HTR1F: variants seen among roughly 807,000 people sequenced by gnomAD.
HTR1F encodes the protein 5-hydroxytryptamine (serotonin) receptor 1F, G protein-coupled.
Under a neutral mutation model 24.0 loss-of-function variants are expected in HTR1F, and 17 were observed. The ratio of observed to expected loss-of-function variants is 0.71; its 90% CI spans 0.48 to 1.06. The LOEUF is 1.06. Among genes scored for constraint, HTR1F ranks in the 50% least tolerant of loss-of-function variants. The pLI is 0.00. For synonymous variants in HTR1F, 186 were observed against 156.8 expected (o/e 1.19, Z -1.39); for missense variants, 391 against 427.8 (o/e 0.91, Z 0.76).
intron 2 of HTR1F, among the ~76,000 whole-genome samples, chr3:87,949,470 CT>C (rs1407420326): frequency 3.3e-5 from 5 of 152,172 alleles, no homozygotes; most frequent in African/African-American, 4.8e-5. Context: ...TCCTTCAAGT[CT>C]GATGTATGCG....
At chr3:87,968,536 A>G (rs1328875354) in intron 2 of HTR1F, among the ~76,000 whole-genome samples, 1 of 152,184 alleles carries the variant, frequency 6.6e-6, no homozygotes, top group African/African-American at 2.4e-5. Flanking sequence ...TCTAAGCAGC[A>G]AAGAATTCAA....
chr3:87,825,610 A>T lies in HTR1F; in HGVS notation c.-43+3486A>T, dbSNP rs1331196291. Among the ~76,000 whole-genome samples, 6 of 152,000 alleles carry T rather than the reference A, an allele frequency of 3.9e-5. No homozygotes were observed. In the East Asian group the frequency reaches 9.6e-4, roughly 24 times the overall value. On this transcript the variant is annotated intron_variant, in intron 2 of 2. Coordinates refer to ENST00000319595, the MANE Select transcript of HTR1F (RefSeq NM_001322209.2). ...ATTCATCATACAAAATATTTCTGGG[A>T]TTTATGCTGTTTTCATTAGTACCAT...
At chr3:87,792,956 C>T (rs1002168202) in intron 1 of HTR1F, among the ~76,000 whole-genome samples, 114 bp downstream of exon 1, 1 of 152,230 alleles carries the variant, frequency 6.6e-6, no homozygotes, top group African/African-American at 2.4e-5. Flanking sequence ...AGCGCTTGCT[C>T]TCGGCGGAAA....
intron 2 of HTR1F, among the ~76,000 whole-genome samples, chr3:87,953,680 C>A (rs1259145250): frequency 6.6e-6 from 1 of 151,720 alleles, no homozygotes; most frequent in Non-Finnish European, 1.5e-5. Flanking sequence ...AATCTCACTA[C>A]TAGGTATTTA....
intron 2 of HTR1F, among the ~76,000 whole-genome samples, chr3:87,857,552 G>A (rs1020622675): frequency 3.3e-5 from 5 of 152,034 alleles, no homozygotes. Flanking sequence ...TCTTCTAAAT[G>A]TCCGTGATCT....
At chr3:87,949,028 T>C (rs1704775876) in intron 2 of HTR1F, among the ~76,000 whole-genome samples, 1 of 152,212 alleles carries the variant, frequency 6.6e-6, no homozygotes, top group Non-Finnish European at 1.5e-5. Flanking sequence ...TCTATTTATA[T>C]TCTATCAATG....
At chr3:87,962,392 T>C (rs1234172403) in intron 2 of HTR1F, among the ~76,000 whole-genome samples, 1 of 152,126 alleles carries the variant, frequency 6.6e-6, no homozygotes, top group Non-Finnish European at 1.5e-5. Context: ...ATAAATAGCT[T>C]TATTTGAATA....
chr3:87,889,838 G>A (rs947927454), intron 2 of HTR1F, among the ~76,000 whole-genome samples: 17 of 152,148 alleles, frequency 1.1e-4, no homozygotes, highest in African/African-American at 3.9e-4. Context: ...TAATTTAACT[G>A]TCATTTAGAC....
rs1465368253 is a variant in HTR1F at position 87,822,004 on chromosome 3, T to A, written c.-159-4T>A. Among the ~76,000 whole-genome samples, 2 of 152,124 alleles carry A rather than the reference T, an allele frequency of 1.3e-5. No individual in the cohort carries two copies. Among genetic ancestry groups the A allele is most frequent in the Non-Finnish European group, 2.9e-5 (2 of 68,030 alleles). On this transcript the variant is annotated splice_polypyrimidine_tract_variant and splice_region_variant and intron_variant, in intron 1 of 2. Coordinates refer to ENST00000319595, the MANE Select transcript of HTR1F (RefSeq NM_001322209.2). ...TGATTTGTTTTATTCTTTGCTTTTT[T>A]AAGGAGGAGTTTGGGAGAGAATGAA...
intron 2 of HTR1F, among the ~76,000 whole-genome samples, chr3:87,945,878 A>C (rs1264774499): frequency 2.6e-5 from 4 of 152,076 alleles, no homozygotes; most frequent in Non-Finnish European, 5.9e-5. Flanking sequence ...CCTTGCTCCC[A>C]GAGCTCCCAA....
chr3:87,890,543 T>A (rs79025553), intron 2 of HTR1F, among the ~76,000 whole-genome samples: 1 of 105,620 alleles, frequency 9.5e-6, no homozygotes, highest in African/African-American at 2.8e-5. Flanking sequence ...CCTGATGCCT[T>A]TTTTTTTTTT....
chr3:87,796,971 A>C (rs1703915944), intron 1 of HTR1F, among the ~76,000 whole-genome samples: 1 of 152,208 alleles, frequency 6.6e-6, no homozygotes. Flanking sequence ...AAACAAGCCA[A>C]ATAATCTATA....
intron 2 of HTR1F, among the ~76,000 whole-genome samples, chr3:87,968,522 A>C (rs1220912350): frequency 1.3e-5 from 2 of 152,062 alleles, no homozygotes; most frequent in East Asian, 3.9e-4. Flanking sequence ...AGGCAGAAGA[A>C]ATTTCTAAGC....
chr3:87,830,746 TCTAA>T (rs1435892867), intron 2 of HTR1F, among the ~76,000 whole-genome samples: 1 of 152,176 alleles, frequency 6.6e-6, no homozygotes, highest in African/African-American at 2.4e-5. Flanking sequence ...ATTAGAGAGC[TCTAA>T]CTGTGAACAC....
At chr3:87,963,424 T>TA (rs1705102947) in intron 2 of HTR1F, among the ~76,000 whole-genome samples, 1 of 152,276 alleles carries the variant, frequency 6.6e-6, no homozygotes, top group African/African-American at 2.4e-5. Flanking sequence ...CCTAATTGCC[T>TA]AAACATGAAG....
At chr3:87,920,029 TTATATATATA>T (rs74326472) in intron 2 of HTR1F, among the ~76,000 whole-genome samples, 7 of 142,038 alleles carry the variant, frequency 4.9e-5, no homozygotes, top group African/African-American at 1.8e-4. Context: ...ATATGTAATA[TTATATATATA>T]TATATATATA....
chr3:87,858,867 T>A (rs1705256560), intron 2 of HTR1F, among the ~76,000 whole-genome samples: 1 of 152,160 alleles, frequency 6.6e-6, no homozygotes. Flanking sequence ...GACAAATGGT[T>A]TTCTTTTTCA....
intron 2 of HTR1F, among the ~76,000 whole-genome samples, chr3:87,868,527 A>C (rs1705475220): frequency 6.6e-6 from 1 of 151,912 alleles, no homozygotes; most frequent in Non-Finnish European, 1.5e-5. Flanking sequence ...GTATCTTTGA[A>C]TATATTCTGT....
chr3:87,925,631 G>A (rs1465204826), intron 2 of HTR1F, among the ~76,000 whole-genome samples: 1 of 152,170 alleles, frequency 6.6e-6, no homozygotes, highest in African/African-American at 2.4e-5. Context: ...ATAGTAGTTT[G>A]CATCTTGGAG....
Sources: allele counts gnomAD v4.1 joint callset (sites outside exome capture counted in the v4.1 genomes callset), GRCh38; gene constraint gnomAD v4.1.1; transcripts MANE v1.5; gene names NCBI Gene and HGNC (gene_info 2026-07-23, HGNC 2026-07-21).